RETREG1: variants seen among roughly 807,000 people sequenced by gnomAD.
RETREG1 encodes family with sequence similarity 134 member B.
In RETREG1, 44 loss-of-function variants were observed where a neutral mutation model predicts 54.8. The observed-to-expected ratio is 0.80, with a 90% CI of 0.63 to 1.03. RETREG1 has a LOEUF of 1.03. Among genes scored for constraint, RETREG1 ranks in the 50% least tolerant of loss-of-function variants. RETREG1 has a pLI of 0.00. For missense variants in RETREG1, 554 were observed against 605.1 expected (o/e 0.92, Z 0.89); for synonymous variants, 217 against 238.5 (o/e 0.91, Z 0.83).
rs886684895 is a variant in RETREG1, at chr5:16,597,677, G to A, written c.320+18975C>T. On this transcript the variant is annotated intron_variant, in intron 1 of 8. Transcript: ENST00000306320. The surrounding 1 kb of genome is among the most constrained non-coding windows in gnomAD (Gnocchi z 4.3). ...CACCAGTGGCTTCCTATAGAAAACA[G>A]ACTTCCCCTTGCTGCCCCACTCTCA... 6.6e-6 allele frequency among the ~76,000 whole-genome samples: 1 copy of A among 152,002 alleles called. No homozygotes were observed. Among genetic ancestry groups the A allele is most frequent in the African/African-American group, 2.4e-5 (1 of 41,364 alleles).
intron 3 of RETREG1, among the ~76,000 whole-genome samples, chr5:16,562,324 GAAAA>G (rs1299899094): frequency 6.6e-6 from 1 of 151,938 alleles, no homozygotes; most frequent in African/African-American, 2.4e-5. Flanking sequence ...TCAAAAAAAA[GAAAA>G]AGAAAGAAAG....
chr5:16,580,457 T>TG (rs1742450532), intron 1 of RETREG1, among the ~76,000 whole-genome samples: 1 of 152,234 alleles, frequency 6.6e-6, no homozygotes, highest in Non-Finnish European at 1.5e-5. Context: ...AAAATTACTT[T>TG]AAAGTATGTA....
intron 3 of RETREG1, among the ~76,000 whole-genome samples, chr5:16,563,874 A>T (rs1229010318): frequency 6.6e-6 from 1 of 152,214 alleles, no homozygotes; most frequent in Non-Finnish European, 1.5e-5. Context: ...AAAAGAGGAA[A>T]CTTTCTTAAG....
At chr5:16,523,879 G>GATGTTCAC (rs1740615879) in intron 3 of RETREG1, among the ~76,000 whole-genome samples, 2 of 152,088 alleles carry the variant, frequency 1.3e-5, no homozygotes, top group Non-Finnish European at 2.9e-5. Context: ...CTGTGATTTT[G>GATGTTCAC]ATGTTCACGT....
chr5:16,571,228 G>T (rs1024531049), intron 2 of RETREG1, among the ~76,000 whole-genome samples: 1 of 152,152 alleles, frequency 6.6e-6, no homozygotes, highest in Non-Finnish European at 1.5e-5. Context: ...CAGCTCTGAT[G>T]CACATCAGTC....
chr5:16,573,801 G>A (rs1014769292), intron 1 of RETREG1, among the ~76,000 whole-genome samples: 1 of 143,108 alleles, frequency 7.0e-6, no homozygotes, highest in African/African-American at 2.5e-5. Flanking sequence ...CTGGAGTGCA[G>A]TGGCACGATC....
At chr5:16,596,476 G>A (rs773063980) in intron 1 of RETREG1, among the ~76,000 whole-genome samples, 1 of 152,178 alleles carries the variant, frequency 6.6e-6, no homozygotes, top group Admixed American at 6.5e-5. Flanking sequence ...TAAGCATTAC[G>A]CTCGAAGCCA....
At chr5:16,571,129 ACATCG>A (rs1742162312) in intron 2 of RETREG1, among the ~76,000 whole-genome samples, 1 of 152,196 alleles carries the variant, frequency 6.6e-6, no homozygotes, top group African/African-American at 2.4e-5. Flanking sequence ...GTACCAGCTG[ACATCG>A]CTGGCTTCTA....
chr5:16,559,891 T>G (rs988118246), intron 3 of RETREG1, among the ~76,000 whole-genome samples: 1 of 152,224 alleles, frequency 6.6e-6, no homozygotes, highest in African/African-American at 2.4e-5. Context: ...GTGCTAGGAA[T>G]GAACCATAAA....
chr5:16,519,267 C>T (rs1055632203), intron 3 of RETREG1, among the ~76,000 whole-genome samples: 2 of 152,090 alleles, frequency 1.3e-5, no homozygotes, highest in Non-Finnish European at 2.9e-5. Context: ...CTTTTTTCTC[C>T]AAAATACTAT....
intron 1 of RETREG1, chr5:16,615,935 G>A (rs139417889): frequency 6.6e-6 from 1 of 152,216 alleles, no homozygotes; most frequent in Non-Finnish European, 1.5e-5. Flanking sequence ...CACTTTCAAC[G>A]AAGGAGACAG....
rs1561118458 is a variant in RETREG1 at position 16,555,140 on chromosome 5, T to G, written c.458+10623A>C. Among the ~76,000 whole-genome samples, 3 of 151,692 alleles carry G rather than the reference T, an allele frequency of 2.0e-5. No individual in the cohort carries two copies. In the South Asian group the frequency reaches 6.2e-4, roughly 31 times the overall value. The stretch of plus-strand genomic sequence containing the variant: ...GAATATAAACTCTACAAGGACAGGG[T>G]TGTCTATTTATTAATTTATTTTTAT... On this transcript the variant is annotated intron_variant, in intron 3 of 8. Transcript: ENST00000306320.
intron 3 of RETREG1, among the ~76,000 whole-genome samples, chr5:16,521,997 G>A (rs1561102713): frequency 6.6e-6 from 1 of 152,192 alleles, no homozygotes; most frequent in Non-Finnish European, 1.5e-5. Context: ...TGACGGCCTT[G>A]CGGTCTTGGC....
intron 3 of RETREG1, among the ~76,000 whole-genome samples, chr5:16,549,855 C>T (rs939842378): frequency 6.6e-6 from 1 of 152,056 alleles, no homozygotes; most frequent in African/African-American, 2.4e-5. Context: ...ATAAGGAAAA[C>T]ATCAAAAACA....
chr5:16,508,329 T>G (rs563359673), intron 3 of RETREG1, among the ~76,000 whole-genome samples: 5 of 152,330 alleles, frequency 3.3e-5, no homozygotes, highest in African/African-American at 1.2e-4. Context: ...TTTTAAAAAA[T>G]TTCAGGCCAT....
chr5:16,616,587 CG>C, intron 1 of RETREG1, 64 bp downstream of exon 1: 1 of 1,536,790 alleles, frequency 6.5e-7, no homozygotes. Context: ...ACTGGGTCCC[CG>C]GGGCCCCGGG....
At position 16,541,150 on chromosome 5, in the gene RETREG1, GA is replaced by G. The variant is rs1323867184; in HGVS notation, c.458+24612del. 3.9e-5 allele frequency among the ~76,000 whole-genome samples: 6 copies of G among 152,278 alleles called. No homozygotes were observed. The East Asian group carries it at 9.7e-4, about 25-fold the overall frequency. Reference sequence around the variant, plus strand: ...CCTCCAAAATTCATATGTTAGAACTGAATATCCAGTGTGATAGGACCAAAAG... The same window carrying G: ...CCTCCAAAATTCATATGTTAGAACTGATATCCAGTGTGATAGGACCAAAAG... On this transcript the variant is annotated intron_variant, in intron 3 of 8. Coordinates refer to ENST00000306320, the MANE Select transcript of RETREG1 (RefSeq NM_001034850.3).
At position 16,593,336 on chromosome 5, in the gene RETREG1, G is replaced by A. The variant is rs1742825985; in HGVS notation, c.321-21234C>T. On this transcript the variant is annotated intron_variant, in intron 1 of 8. Transcript: ENST00000306320. This position sits in a 1 kb window ranked among gnomAD's most constrained non-coding sequence, Gnocchi z 4.9. ...TGTCCTTCCCTACCCCATACTACAAGCTCTGTGAGAGAAGGGACCATCTCT... is the reference window on the plus strand; with the variant it reads ...TGTCCTTCCCTACCCCATACTACAAACTCTGTGAGAGAAGGGACCATCTCT... Among the ~76,000 whole-genome samples the A allele has an allele frequency of 1.3e-5, 2 of 152,120 alleles. No homozygotes were observed. Among genetic ancestry groups the A allele is most frequent in the African/African-American group, 4.8e-5 (2 of 41,406 alleles).
At chr5:16,477,908 T>C (rs1325063949) in intron 7 of RETREG1, 120 bp from the exon 8 acceptor site, 38 of 1,417,650 alleles carry the variant, frequency 2.7e-5, no homozygotes, top group Non-Finnish European at 3.5e-5. Context: ...TATTTTTATT[T>C]TGAAATCATT....
Sources: gnomAD v4.1 joint callset for allele counts (sites outside exome capture counted in the v4.1 genomes callset) on GRCh38, gnomAD v4.1.1 for gene constraint, Gnocchi (gnomAD v3.1) non-coding constraint, MANE v1.5 for transcripts, NCBI Gene and HGNC (gene_info 2026-07-23, HGNC 2026-07-21) for gene names.